PHLPP1: variants seen among roughly 807,000 people sequenced by gnomAD.
PHLPP1 encodes the protein PH domain leucine-rich repeat-containing protein phosphatase 1.
PHLPP1 carries 42 observed loss-of-function variants against 117.2 expected under a neutral mutation model. The observed-to-expected ratio is 0.36, with a 90% CI of 0.28 to 0.46. The LOEUF (loss-of-function observed/expected upper bound fraction) is 0.46. Ranked by LOEUF, PHLPP1 falls within the 20% of genes least tolerant of loss-of-function variation. PHLPP1 has a pLI of 1.00. For missense variants in PHLPP1, 2,084 were observed against 2,241.9 expected, an observed-to-expected ratio of 0.93 and a Z score of 1.42; for synonymous variants, 1,042 against 970.7, an observed-to-expected ratio of 1.07 and a Z score of -1.37.
rs555504464 is a variant in PHLPP1, at chr18:62,902,313, A to C, written c.2445-651A>C. ...CGGATTTCAGTATTTTCTGCACTTC[A>C]CTCTATCAAGCAGTATTTTATAGAC... is the stretch of plus-strand genomic sequence containing the variant. On this transcript the variant is annotated intron_variant, in intron 6 of 16. Coordinates refer to ENST00000262719, the MANE Select transcript of PHLPP1 (RefSeq NM_194449.4). Among the ~76,000 whole-genome samples, 8 of 151,990 alleles carry C rather than the reference A, an allele frequency of 5.3e-5. No homozygotes were observed. The South Asian group carries it at 1.7e-3, about 32-fold the overall frequency.
intron 1 of PHLPP1, among the ~76,000 whole-genome samples, chr18:62,719,247 A>G (rs1374474553): frequency 6.6e-6 from 1 of 152,188 alleles, no homozygotes; most frequent in Non-Finnish European, 1.5e-5. Flanking sequence ...GGTGTCCTAG[A>G]AGAAAAATGC....
intron 10 of PHLPP1, among the ~76,000 whole-genome samples, chr18:62,926,639 A>G (rs1044077687): frequency 4.6e-5 from 7 of 152,126 alleles, no homozygotes; most frequent in African/African-American, 1.7e-4. Context: ...GAATTCTGCT[A>G]TATAGATTTT....
At chr18:62,877,142 C>A (rs1394021565) in intron 4 of PHLPP1, among the ~76,000 whole-genome samples, 1 of 152,166 alleles carries the variant, frequency 6.6e-6, no homozygotes, top group Non-Finnish European at 1.5e-5. Flanking sequence ...AAACAAATGA[C>A]CTTATTTCCT....
In PHLPP1 at chr18:62,979,885, T is replaced by A. The variant is rs1311340844; in HGVS notation, c.*454T>A. On this transcript the variant is annotated 3_prime_UTR_variant, in exon 17 of 17. Transcript: ENST00000262719. ...TGTTTTGTTTTGTTTTGTTTTTGTC[T>A]TGAAAATAATAGACATTTGTAGAAT... is the stretch of plus-strand genomic sequence containing the variant. 6.3e-6 allele frequency: 1 copy of A among 159,964 alleles called. No individual in the cohort carries two copies. The highest frequency in any genetic ancestry group is 1.9e-4 in the East Asian group (1 of 5,368). 9.9% of individuals were successfully genotyped at this position (159,964 alleles called of 1,614,324 possible).
chr18:62,892,801 A>G (rs1916460410), intron 4 of PHLPP1, among the ~76,000 whole-genome samples: 1 of 150,192 alleles, frequency 6.7e-6, no homozygotes, highest in Admixed American at 6.6e-5. Context: ...GCGTGAACCC[A>G]GGAGGCGGAG....
intron 1 of PHLPP1, among the ~76,000 whole-genome samples, chr18:62,740,655 G>A (rs1370507825): frequency 2.0e-5 from 3 of 152,162 alleles, no homozygotes; most frequent in South Asian, 2.1e-4. Flanking sequence ...AAACAAAAAC[G>A]AGCATTATTT....
At chr18:62,880,664 A>T (rs1916154972) in intron 4 of PHLPP1, among the ~76,000 whole-genome samples, 1 of 152,224 alleles carries the variant, frequency 6.6e-6, no homozygotes, top group Non-Finnish European at 1.5e-5. Flanking sequence ...TAAATTGAGT[A>T]AAGAAACCAT....
At chr18:62,763,386 G>C (rs1396320853) in intron 1 of PHLPP1, among the ~76,000 whole-genome samples, 1 of 152,180 alleles carries the variant, frequency 6.6e-6, no homozygotes, top group East Asian at 1.9e-4. Context: ...ATCACCCAGT[G>C]CTTTTCCTAT....
chr18:62,875,341 C>T (rs1599096840), intron 4 of PHLPP1, among the ~76,000 whole-genome samples: 1 of 152,050 alleles, frequency 6.6e-6, no homozygotes, highest in East Asian at 1.9e-4. Context: ...TTTTTCTTAA[C>T]ATTCTCCTTT....
In PHLPP1 at chr18:62,888,337, G is replaced by T. The variant is rs919488043; in HGVS notation, c.2067-6674G>T. On this transcript the variant is annotated intron_variant, in intron 4 of 16. Transcript: ENST00000262719. ...TGTGTGTGTGTGTGTGTGTGTGTATGTTTTTTTTTTCTTTTTAAAACCAGT... is the reference window on the plus strand; with the variant it reads ...TGTGTGTGTGTGTGTGTGTGTGTATTTTTTTTTTTTCTTTTTAAAACCAGT... Among the ~76,000 whole-genome samples, 182 of 114,570 alleles carry T rather than the reference G, an allele frequency of 1.6e-3. 1 individual carries two copies. Among genetic ancestry groups the T allele is most frequent in the Non-Finnish European group, 2.6e-3 (129 of 49,450 alleles). 75.2% of individuals were successfully genotyped at this position (114,570 alleles called of 152,430 possible).
chr18:62,970,231 TCTC>T (rs1448297361), intron 14 of PHLPP1, among the ~76,000 whole-genome samples: 3 of 152,222 alleles, frequency 2.0e-5, no homozygotes, highest in African/African-American at 7.2e-5. Flanking sequence ...AATATGTACT[TCTC>T]CTTCTCCTGT....
rs541150099 is a variant in PHLPP1 at position 62,903,146 on chromosome 18, C to T, written c.2627C>T (p.Ala876Val). The change falls in exon 7 of 17, where the codon GCG (alanine) becomes GTG (valine). Residue 876 changes from alanine to valine, a missense_variant. Around this residue, in one of 2 missense-constraint regions of PHLPP1, gnomAD observed 1,365 missense variants for 1,605.9 expected, o/e 0.85. Coordinates refer to ENST00000262719, the MANE Select transcript of PHLPP1 (RefSeq NM_194449.4). ...GACATCTGTGGCTATTTCCTAAAAG[C>T]GCTCTATGCCTCTTCTAATGGTATG... Reference protein sequence around the residue: ...TLDICGYFLKALYASSNELVQ... With the variant: ...TLDICGYFLKVLYASSNELVQ... The T allele has an allele frequency of 2.2e-5, 35 of 1,611,528 alleles. No homozygotes were observed. The highest frequency in any genetic ancestry group is 2.0e-4 in the Admixed American group (12 of 60,010).
intron 11 of PHLPP1, 82 bp from the exon 12 acceptor site, chr18:62,945,027 A>C (rs1221373052): frequency 1.9e-6 from 2 of 1,064,766 alleles, no homozygotes; most frequent in Non-Finnish European, 2.6e-6. Context: ...ATGAATCCTT[A>C]AAGTCATAGC....
intron 4 of PHLPP1, among the ~76,000 whole-genome samples, chr18:62,881,999 T>C (rs1916184508): frequency 6.6e-6 from 1 of 152,172 alleles, no homozygotes; most frequent in South Asian, 2.1e-4. Flanking sequence ...GAAAGGAACA[T>C]GGGGCAAAAG....
At chr18:62,747,276 CTTTTTT>C (rs564178033) in intron 1 of PHLPP1, among the ~76,000 whole-genome samples, 18 of 123,182 alleles carry the variant, frequency 1.5e-4, no homozygotes, top group African/African-American at 5.4e-4. Flanking sequence ...TCTTCATTTC[CTTTTTT>C]TTTTTTTTTT....
At chr18:62,777,838 C>CTTCT in intron 1 of PHLPP1, among the ~76,000 whole-genome samples, 1 of 152,192 alleles carries the variant, frequency 6.6e-6, no homozygotes, top group African/African-American at 2.4e-5. Context: ...TTAAAACACC[C>CTTCT]TTCTCATTGG....
intron 9 of PHLPP1, among the ~76,000 whole-genome samples, chr18:62,919,139 G>A (rs1157242244): frequency 1.3e-5 from 2 of 152,178 alleles, no homozygotes; most frequent in Non-Finnish European, 2.9e-5. Context: ...TGATCAGGAT[G>A]CAAATTGTAA....
At chr18:62,762,050 T>C (rs1395832432) in intron 1 of PHLPP1, among the ~76,000 whole-genome samples, 1 of 152,182 alleles carries the variant, frequency 6.6e-6, no homozygotes, top group East Asian at 1.9e-4. Context: ...ATATTTTTTA[T>C]TCTTAATAAC....
At chr18:62,870,962 T>C (rs1354891586) in intron 4 of PHLPP1, among the ~76,000 whole-genome samples, 3 of 152,158 alleles carry the variant, frequency 2.0e-5, no homozygotes, top group Non-Finnish European at 4.4e-5. Context: ...GTGGTGTTGA[T>C]GGTTTCTTTC....
Sources: allele counts gnomAD v4.1 joint callset (sites outside exome capture counted in the v4.1 genomes callset), GRCh38; gene constraint gnomAD v4.1.1; regional missense constraint gnomAD v4.1.1; transcripts MANE v1.5; gene names NCBI Gene and HGNC (gene_info 2026-07-23, HGNC 2026-07-21).